Variants in AKAP6 observed in about 807,000 individuals in gnomAD.
AKAP6 encodes A-kinase anchor protein 6.
A neutral mutation model predicts 188.5 loss-of-function variants in AKAP6; 58 were observed. That is an observed-to-expected ratio of 0.31 (90% CI 0.25 to 0.38). AKAP6 has a LOEUF of 0.38. AKAP6 is among the 10% of genes least tolerant of loss of function. The pLI is 1.00. For synonymous variants in AKAP6, 989 were observed against 998.6 expected (o/e 0.99, Z 0.18); for missense variants, 2,710 against 2,740.0 (o/e 0.99, Z 0.24).
At chr14:32,745,678 C>T (rs892379642) in intron 11 of AKAP6, among the ~76,000 whole-genome samples, 1 of 152,164 alleles carries the variant, frequency 6.6e-6, no homozygotes, top group Non-Finnish European at 1.5e-5. Context: ...TGGCTACTGC[C>T]TGTGTTTACT....
chr14:32,663,727 G>A (rs561171404), intron 7 of AKAP6, among the ~76,000 whole-genome samples: 14 of 152,150 alleles, frequency 9.2e-5, no homozygotes, highest in South Asian at 2.1e-4. Flanking sequence ...GGAGGCTGGC[G>A]TGATGGACAG....
At chr14:32,580,295 A>G (rs544203653) in intron 5 of AKAP6, among the ~76,000 whole-genome samples, 1 of 152,208 alleles carries the variant, frequency 6.6e-6, no homozygotes, top group East Asian at 1.9e-4. Context: ...TTTCAAAAAT[A>G]CAATTCCTAC....
At chr14:32,718,415 G>A in intron 9 of AKAP6, 1 of 703,934 alleles carries the variant, frequency 1.4e-6, no homozygotes, top group Non-Finnish European at 1.7e-6. Flanking sequence ...AAAGGCCCAA[G>A]GGGTCAGGGG....
chr14:32,604,149 A>G (rs1413704576), intron 7 of AKAP6, among the ~76,000 whole-genome samples: 1 of 152,202 alleles, frequency 6.6e-6, no homozygotes, highest in Non-Finnish European at 1.5e-5. Flanking sequence ...CTTACCAAGA[A>G]TAACATTCGT....
chr14:32,687,515 C>T (rs555811145), intron 8 of AKAP6, among the ~76,000 whole-genome samples: 111 of 150,664 alleles, frequency 7.4e-4, no homozygotes, highest in African/African-American at 2.6e-3. Context: ...AATTTCTACA[C>T]GGTGGGTATT....
chr14:32,601,768 A>G (rs964494770), intron 7 of AKAP6, among the ~76,000 whole-genome samples: 5 of 152,256 alleles, frequency 3.3e-5, no homozygotes, highest in Admixed American at 6.5e-5. Flanking sequence ...AAATGTATAC[A>G]CAGCAAGTTA....
intron 2 of AKAP6, among the ~76,000 whole-genome samples, chr14:32,499,761 A>G (rs149162361): frequency 4.7e-4 from 71 of 151,878 alleles, no homozygotes; most frequent in African/African-American, 1.6e-3. Flanking sequence ...TATATTTTAC[A>G]TGTTTAATTT....
intron 9 of AKAP6, among the ~76,000 whole-genome samples, chr14:32,722,470 G>A (rs991737541): frequency 2.0e-5 from 3 of 152,126 alleles, no homozygotes; most frequent in Admixed American, 6.5e-5. Context: ...GCCTGGAACC[G>A]CAGCCCTAAA....
chr14:32,815,733 G>A (rs375239322), intron 12 of AKAP6, among the ~76,000 whole-genome samples: 5 of 152,300 alleles, frequency 3.3e-5, no homozygotes, highest in African/African-American at 1.2e-4. Context: ...CACTTCACCA[G>A]AGGGAATATA....
chr14:32,764,186 G>A (rs942324768), intron 11 of AKAP6, among the ~76,000 whole-genome samples: 4 of 152,148 alleles, frequency 2.6e-5, no homozygotes, highest in African/African-American at 9.7e-5. Context: ...TGAGGTCTTT[G>A]AGAAAAGGTT....
intron 1 of AKAP6, among the ~76,000 whole-genome samples, chr14:32,340,636 A>C (rs1348886770): frequency 1.3e-5 from 2 of 152,198 alleles, no homozygotes; most frequent in African/African-American, 4.8e-5. Flanking sequence ...CATGTACCTG[A>C]AAACATATTT....
intron 11 of AKAP6, among the ~76,000 whole-genome samples, chr14:32,745,516 T>G (rs1016042126): frequency 6.6e-6 from 1 of 150,638 alleles, no homozygotes; most frequent in Non-Finnish European, 1.5e-5. Flanking sequence ...TCTCTCTCTC[T>G]CTGTCTGTCT....
In AKAP6 at chr14:32,390,888, C is replaced by T. The variant is rs1298974147; in HGVS notation, c.-34-42572C>T. The stretch of plus-strand genomic sequence containing the variant: ...CATATGCTGCTCTGTCCATCCAAGT[C>T]AGAGCTGCAATCTAGTCCTGCCTCC... On this transcript the variant is annotated intron_variant, in intron 1 of 13. Transcript: ENST00000280979. 2.0e-5 allele frequency among the ~76,000 whole-genome samples: 3 copies of T among 152,144 alleles called. No homozygotes were observed. In the East Asian group the frequency reaches 5.8e-4, roughly 29 times the overall value.
intron 7 of AKAP6, among the ~76,000 whole-genome samples, chr14:32,622,415 C>A (rs768786426): frequency 2.6e-5 from 4 of 151,294 alleles, no homozygotes; most frequent in Non-Finnish European, 5.9e-5. Context: ...ATAATAGAGA[C>A]AAATAGACAT....
chr14:32,403,217 G>C (rs1481393404), intron 1 of AKAP6: 1 of 152,008 alleles, frequency 6.6e-6, no homozygotes, highest in African/African-American at 2.4e-5. Context: ...ATCACAAAGG[G>C]GTTCTTGATT....
intron 7 of AKAP6, among the ~76,000 whole-genome samples, chr14:32,652,212 C>G (rs1888261351): frequency 6.6e-6 from 1 of 152,134 alleles, no homozygotes; most frequent in Non-Finnish European, 1.5e-5. Context: ...GTCATTTTAT[C>G]CTTCCAACAT....
chr14:32,512,278 G>A (rs2145587), intron 2 of AKAP6, among the ~76,000 whole-genome samples: 38,722 of 151,944 alleles, frequency 0.25, 5,235 homozygotes, highest in East Asian at 0.35. Context: ...AACTCCACTC[G>A]TTGTTTGATA....
At chr14:32,718,019 AT>A (rs1566664375) in intron 9 of AKAP6, among the ~76,000 whole-genome samples, 1 of 152,138 alleles carries the variant, frequency 6.6e-6, no homozygotes, top group Non-Finnish European at 1.5e-5. Context: ...TATTTACATT[AT>A]ACTCTTAGGG....
intron 8 of AKAP6, among the ~76,000 whole-genome samples, chr14:32,691,102 G>A (rs1890159972): frequency 6.6e-6 from 1 of 152,090 alleles, no homozygotes; most frequent in Non-Finnish European, 1.5e-5. Context: ...TATGAGGAAA[G>A]TCCCTCCAAA....
Sources: gnomAD v4.1 joint callset for allele counts (sites outside exome capture counted in the v4.1 genomes callset) on GRCh38, gnomAD v4.1.1 for gene constraint, MANE v1.5 for transcripts, NCBI Gene and HGNC (gene_info 2026-07-23, HGNC 2026-07-21) for gene names.